Variants in SPATA17 observed in about 807,000 individuals in gnomAD.
SPATA17 encodes spermatogenesis associated 17, also known as spermatogenesis-associated protein 17.
In SPATA17, 53 loss-of-function variants were observed where a neutral mutation model predicts 62.2. That is an observed-to-expected ratio of 0.85 (90% CI 0.68 to 1.07). The LOEUF (loss-of-function observed/expected upper bound fraction) is 1.07, where lower values mean the gene tolerates loss of function less well. Among genes scored for constraint, SPATA17 ranks in the 50% least tolerant of loss-of-function variants. The pLI, the probability that SPATA17 is intolerant of heterozygous loss-of-function variation, is 0.00. For missense variants in SPATA17, 466 were observed against 425.5 expected (o/e 1.10, Z -0.84); for synonymous variants, 146 against 146.8 (o/e 0.99, Z 0.04).
chr1:217,669,016 T>C lies in SPATA17; in HGVS notation c.241-17T>C. The C allele has an allele frequency of 1.2e-6, 2 of 1,609,990 alleles. No individual in the cohort carries two copies. The highest frequency in any genetic ancestry group is 2.2e-5 in the South Asian group (2 of 90,170). ...GTGTAACTGAAATGCATGCCATCTT[T>C]TTTTCTTGATTCACAGGTAGCATAT... is the stretch of plus-strand genomic sequence containing the variant. On this transcript the variant is annotated splice_polypyrimidine_tract_variant and intron_variant, in intron 3 of 10. Transcript: ENST00000366933.
At chr1:217,800,090 C>G (rs1674266712) in intron 8 of SPATA17, among the ~76,000 whole-genome samples, 1 of 152,056 alleles carries the variant, frequency 6.6e-6, no homozygotes, top group Non-Finnish European at 1.5e-5. Context: ...TTTCCTCTAG[C>G]TTATTCCTTA....
chr1:217,833,269 A>G (rs1160487822), intron 9 of SPATA17, among the ~76,000 whole-genome samples: 3 of 152,292 alleles, frequency 2.0e-5, no homozygotes, highest in South Asian at 2.1e-4. Context: ...CTTTTCATGC[A>G]CAAGTATAAA....
At chr1:217,857,080 A>C (rs1675803137) in intron 9 of SPATA17, among the ~76,000 whole-genome samples, 1 of 152,190 alleles carries the variant, frequency 6.6e-6, no homozygotes, top group Non-Finnish European at 1.5e-5. Flanking sequence ...AAGACATTAT[A>C]AGCTGGCTGA....
intron 6 of SPATA17, among the ~76,000 whole-genome samples, chr1:217,745,891 T>C (rs561897294): frequency 2.0e-5 from 3 of 152,120 alleles, no homozygotes; most frequent in Non-Finnish European, 4.4e-5. Context: ...TTTATTTTAA[T>C]AAAAAATAAC....
intron 8 of SPATA17, among the ~76,000 whole-genome samples, chr1:217,782,647 G>C (rs568558673): frequency 2.6e-5 from 4 of 152,136 alleles, no homozygotes; most frequent in Admixed American, 2.6e-4. Context: ...CCTAAAATAA[G>C]ATCCAGTAAG....
At chr1:217,842,229 T>C (rs944360992) in intron 9 of SPATA17, among the ~76,000 whole-genome samples, 2 of 152,040 alleles carry the variant, frequency 1.3e-5, no homozygotes, top group Non-Finnish European at 2.9e-5. Flanking sequence ...TTTATTGTTT[T>C]TTATATCTAT....
At chr1:217,650,075 G>A (rs556194749) in intron 2 of SPATA17, among the ~76,000 whole-genome samples, 113 of 152,012 alleles carry the variant, frequency 7.4e-4, no homozygotes, top group African/African-American at 2.5e-3. Flanking sequence ...GGGTAGCTGG[G>A]ATTACAGGCA....
chr1:217,714,488 C>CTTTTTTTTTTCTTTTT (rs1671952758), intron 5 of SPATA17, among the ~76,000 whole-genome samples: 1 of 121,432 alleles, frequency 8.2e-6, no homozygotes, highest in East Asian at 2.3e-4. Context: ...AAACGTGTTT[C>CTTTTTTTTTTCTTTTT]TTTTTTTTTT....
intron 9 of SPATA17, among the ~76,000 whole-genome samples, chr1:217,858,291 C>G (rs1675825221): frequency 6.6e-6 from 1 of 152,052 alleles, no homozygotes; most frequent in Non-Finnish European, 1.5e-5. Flanking sequence ...CCTGTAAGTG[C>G]CAATGGAATT....
intron 3 of SPATA17, among the ~76,000 whole-genome samples, chr1:217,668,629 G>T (rs1401846627): frequency 6.6e-6 from 1 of 152,096 alleles, no homozygotes; most frequent in South Asian, 2.1e-4. Flanking sequence ...CATTAAACCA[G>T]ACGTCTTGAA....
chr1:217,661,276 A>G (rs1028815609), intron 3 of SPATA17, among the ~76,000 whole-genome samples: 4 of 151,930 alleles, frequency 2.6e-5, no homozygotes, highest in Non-Finnish European at 4.4e-5. Context: ...CAGTGATGTT[A>G]TATCACAGGA....
chr1:217,632,203 T>TA (rs1669811331), intron 1 of SPATA17, among the ~76,000 whole-genome samples: 1 of 150,252 alleles, frequency 6.7e-6, no homozygotes, highest in African/African-American at 2.5e-5. Flanking sequence ...TAAATAAATA[T>TA]AAATAAAATA....
intron 8 of SPATA17, among the ~76,000 whole-genome samples, chr1:217,782,974 CATT>C (rs1673767454): frequency 1.3e-5 from 2 of 151,202 alleles, no homozygotes; most frequent in South Asian, 2.1e-4. Context: ...TTATGATTGT[CATT>C]ATTCTGTAAT....
At chr1:217,819,020 C>A (rs1036543755) in intron 9 of SPATA17, among the ~76,000 whole-genome samples, 13 of 151,216 alleles carry the variant, frequency 8.6e-5, no homozygotes, top group African/African-American at 3.1e-4. Flanking sequence ...AAGTTTCCTG[C>A]ATGTCTTTCT....
chr1:217,759,131 C>T (rs549938893), intron 6 of SPATA17, among the ~76,000 whole-genome samples: 1 of 152,156 alleles, frequency 6.6e-6, no homozygotes, highest in South Asian at 2.1e-4. Context: ...ATGATAACTA[C>T]AATAGGGAAA....
At chr1:217,793,912 G>A (rs1674068424) in intron 8 of SPATA17, among the ~76,000 whole-genome samples, 1 of 151,954 alleles carries the variant, frequency 6.6e-6, no homozygotes, top group Non-Finnish European at 1.5e-5. Context: ...TCAGGAGATC[G>A]AGACCATCCT....
At chr1:217,855,229 A>G (rs1481428421) in intron 9 of SPATA17, among the ~76,000 whole-genome samples, 2 of 152,184 alleles carry the variant, frequency 1.3e-5, no homozygotes, top group Non-Finnish European at 2.9e-5. Flanking sequence ...ATGCAAGCCA[A>G]ATGTTCCCTT....
chr1:217,643,270 A>G (rs1376470066), intron 1 of SPATA17, among the ~76,000 whole-genome samples: 1 of 151,984 alleles, frequency 6.6e-6, no homozygotes, highest in Non-Finnish European at 1.5e-5. Context: ...TAACCAAACT[A>G]TTGTCACCAC....
intron 8 of SPATA17, among the ~76,000 whole-genome samples, chr1:217,786,281 A>G (rs1432226117): frequency 2.6e-5 from 4 of 152,192 alleles, no homozygotes; most frequent in Non-Finnish European, 5.9e-5. Context: ...GACAATGTAT[A>G]TATTTTTAAA....
Sources: allele counts gnomAD v4.1 joint callset (sites outside exome capture counted in the v4.1 genomes callset), GRCh38; gene constraint gnomAD v4.1.1; transcripts MANE v1.5; gene names NCBI Gene and HGNC (gene_info 2026-07-23, HGNC 2026-07-21).